Variants in CEP295NL observed in about 807,000 individuals in gnomAD.
CEP295NL encodes the protein CEP295 N-terminal like.
CEP295NL carries 3 observed loss-of-function variants against 4.6 expected under a neutral mutation model. The observed-to-expected ratio is 0.65, with a 90% confidence interval of 0.30 to 1.69. The LOEUF is 1.69. Ranked by LOEUF, CEP295NL falls within the 40% of genes most tolerant of loss-of-function variation. The pLI is 0.10. For missense variants in CEP295NL, 719 were observed against 769.0 expected, an observed-to-expected ratio of 0.93 and a Z score of 0.77; for synonymous variants, 295 against 312.2, an observed-to-expected ratio of 0.94 and a Z score of 0.58.
At position 78,893,140 on chromosome 17, in the gene CEP295NL, TGC is replaced by T. The variant is rs144590373; in HGVS notation, c.45-683_45-682del. Among the ~76,000 whole-genome samples the T allele has an allele frequency of 2.1e-3, 312 of 146,086 alleles. 5 individuals carry two copies. The East Asian group carries it at 0.054, about 25-fold the overall frequency. ...GCACATGTGTGTGCAGGGGTGTGTG[TGC>T]GTACATGTGTGTGCAGGGGTGTGTG... On this transcript the variant is annotated intron_variant, in intron 2 of 2. Coordinates refer to ENST00000322630, the MANE Select transcript of CEP295NL (RefSeq NM_001243540.2).
chr17:78,895,150 A>G (rs1234439333), intron 2 of CEP295NL, among the ~76,000 whole-genome samples: 1 of 152,068 alleles, frequency 6.6e-6, no homozygotes, highest in African/African-American at 2.4e-5. Flanking sequence ...GTGTGGTGGT[A>G]CGCACCTATA....
intron 2 of CEP295NL, among the ~76,000 whole-genome samples, chr17:78,893,302 G>A (rs538791164): frequency 7.5e-6 from 1 of 133,508 alleles, no homozygotes; most frequent in East Asian, 2.3e-4. Flanking sequence ...TGTGTGTGCA[G>A]GGGTGTATGT....
rs762308761 is a variant in CEP295NL at position 78,891,940 on chromosome 17, G to C, written c.564C>G (p.His188Gln). Reference protein sequence around the residue: ...RSCREELGQQHPRHSRPRKTA... With the variant: ...RSCREELGQQQPRHSRPRKTA... ...TCTTCCGGGGCCTGGAGTGCCTGGGGTGTTGCTGGCCCAACTCTTCCCTGC... is the reference window on the plus strand; with the variant it reads ...TCTTCCGGGGCCTGGAGTGCCTGGGCTGTTGCTGGCCCAACTCTTCCCTGC... The change falls in exon 3 of 3, where the codon CAC becomes CAG. Residue 188 changes from histidine (H) to glutamine (Q), a missense_variant. Transcript: ENST00000322630. The surrounding 1 kb of genome is among the most constrained non-coding windows in gnomAD (Gnocchi z 4.5). 1.9e-6 allele frequency: 3 copies of C among 1,550,584 alleles called. No individual in the cohort carries two copies. The South Asian group carries it at 3.6e-5, about 18-fold the overall frequency.
At position 78,893,546 on chromosome 17, in the gene CEP295NL, T is replaced by C. The variant is rs888676199; in HGVS notation, c.45-1087A>G. Among the ~76,000 whole-genome samples, 13 of 151,818 alleles carry C rather than the reference T, an allele frequency of 8.6e-5. 1 individual carries two copies. Among genetic ancestry groups the C allele is most frequent in the African/African-American group, 2.4e-4 (10 of 41,260 alleles). ...ACATCTGTTTATGTTTCTGTGCACA[T>C]GCCTGCACATCTGTGTGTACAGGGG... On this transcript the variant is annotated intron_variant, in intron 2 of 2. Transcript: ENST00000322630.
At chr17:78,897,154 G>A (rs77111072) in intron 2 of CEP295NL, 4,462 of 231,770 alleles carry the variant, frequency 0.019, 185 homozygotes, top group African/African-American at 0.091. Flanking sequence ...GGCCTGCTGT[G>A]CACTCCTGTG....
At chr17:78,892,571 G>A in intron 2 of CEP295NL, 112 bp from the exon 3 acceptor site, 1 of 1,440,526 alleles carries the variant, frequency 6.9e-7, no homozygotes, top group Admixed American at 2.7e-5. Context: ...TGCAAAATGT[G>A]CCCCTCCAAG....
intron 1 of CEP295NL, among the ~76,000 whole-genome samples, chr17:78,902,249 A>C (rs1474080158): frequency 6.6e-6 from 1 of 152,244 alleles, no homozygotes; most frequent in Non-Finnish European, 1.5e-5. Flanking sequence ...CTGGGACTAC[A>C]GGCGCACGCC....
In CEP295NL at chr17:78,900,483, T is replaced by G. The variant is rs183741868; in HGVS notation, c.44+1302A>C. ...TCACTTGAACCCAGGAGGCGGAGGT[T>G]GCAGTGAGCCAAGATCGCACCACTG... On this transcript the variant is annotated intron_variant, in intron 2 of 2. Transcript: ENST00000322630. Among the ~76,000 whole-genome samples, 74 of 151,176 alleles carry G rather than the reference T, an allele frequency of 4.9e-4. No individual in the cohort carries two copies. In the East Asian group the frequency reaches 0.014, roughly 29 times the overall value.
chr17:78,902,678 C>G (rs1356273017), intron 1 of CEP295NL: 1 of 152,298 alleles, frequency 6.6e-6, no homozygotes, highest in Non-Finnish European at 1.5e-5. Flanking sequence ...CTCCAAACTC[C>G]CAGCTGAGAC....
rs1007752584 is a variant in CEP295NL at position 78,897,082 on chromosome 17, G to A, written c.45-4623C>T. 2.9e-5 allele frequency: 24 copies of A among 816,544 alleles called. No homozygotes were observed. In the African/African-American group the frequency reaches 4.3e-4, roughly 15 times the overall value. 50.6% of individuals were successfully genotyped at this position (816,544 alleles called of 1,614,324 possible). The stretch of plus-strand genomic sequence containing the variant: ...ACCCAGGCAGCGTGGAAGTGCCAGG[G>A]CCCACAGACAGCACCCCCCCGCCCC... On this transcript the variant is annotated intron_variant, in intron 2 of 2. Coordinates refer to ENST00000322630, the MANE Select transcript of CEP295NL (RefSeq NM_001243540.2).
Position 78,890,907 on chromosome 17 carries a change from G to A in CEP295NL, c.1597C>T (p.His533Tyr), listed in dbSNP as rs2069880809. ...TCTTTTTCTAGCTCAGCTTTGTAGT[G>A]GATTTCCAAGCTCATATCTGGGTGT... is the stretch of plus-strand genomic sequence containing the variant. ...MEHPDMSLEI[H>Y]YKAELEKERR... Residue 533 changes from histidine to tyrosine, a missense_variant, in exon 3 of 3, where the codon CAC (histidine) becomes TAC (tyrosine). Coordinates refer to ENST00000322630, the MANE Select transcript of CEP295NL (RefSeq NM_001243540.2). 1.3e-6 allele frequency: 2 copies of A among 1,550,624 alleles called. No individual in the cohort carries two copies. The highest frequency in any genetic ancestry group is 1.7e-4 in the Middle Eastern group (1 of 6,014).
intron 2 of CEP295NL, among the ~76,000 whole-genome samples, chr17:78,893,110 C>T (rs1018617088): frequency 1.4e-5 from 2 of 138,514 alleles, no homozygotes; most frequent in Admixed American, 1.4e-4. Flanking sequence ...TGGGTGTGTG[C>T]ACATGCACAT....
chr17:78,891,182 G>A lies in CEP295NL; in HGVS notation c.1322C>T (p.Pro441Leu). The change falls in exon 3 of 3, where the codon CCC (proline) becomes CTC (leucine). Residue 441 changes from proline to leucine, a missense_variant. Pro to Leu is a moderately conservative substitution (Grantham distance 98). Coordinates refer to ENST00000322630, the MANE Select transcript of CEP295NL (RefSeq NM_001243540.2). The surrounding 1 kb of genome is among the most constrained non-coding windows in gnomAD (Gnocchi z 4.5). ...TGTTTGACTTCCATTTCTAAACGTGGGCTTGACCGTGCCCTGATATTTTTG... is the reference window on the plus strand; with the variant it reads ...TGTTTGACTTCCATTTCTAAACGTGAGCTTGACCGTGCCCTGATATTTTTG... ...QNQKYQGTVK[P>L]TFRNGSQTLS... 1 of 1,550,646 alleles carries A rather than the reference G, an allele frequency of 6.4e-7. No homozygotes were observed. Among genetic ancestry groups the A allele is most frequent in the Non-Finnish European group, 8.7e-7 (1 of 1,147,010 alleles).
chr17:78,893,895 G>A (rs2069958222), intron 2 of CEP295NL, among the ~76,000 whole-genome samples: 1 of 152,150 alleles, frequency 6.6e-6, no homozygotes, highest in East Asian at 1.9e-4. Context: ...CTGTTGCCAC[G>A]GGTAGCTGAT....
chr17:78,900,689 G>C (rs956195494), intron 2 of CEP295NL, among the ~76,000 whole-genome samples: 1 of 152,164 alleles, frequency 6.6e-6, no homozygotes, highest in Admixed American at 6.5e-5. Flanking sequence ...ATAACCCTTG[G>C]GGGAGGTGGA....
rs2070007588 is a variant in CEP295NL, at chr17:78,896,766, C to G, written c.45-4307G>C. 6.6e-6 allele frequency among the ~76,000 whole-genome samples: 1 copy of G among 152,138 alleles called. No homozygotes were observed. The highest frequency in any genetic ancestry group is 2.1e-4 in the South Asian group (1 of 4,830). Reference sequence around the variant, plus strand: ...ACACCAATCTGGCCTCCGGACGGCACCAGGGCCTCCCACAGAGCGGAGTGG... The same window carrying G: ...ACACCAATCTGGCCTCCGGACGGCAGCAGGGCCTCCCACAGAGCGGAGTGG... On this transcript the variant is annotated intron_variant, in intron 2 of 2. Transcript: ENST00000322630. This position sits in a 1 kb window ranked among gnomAD's most constrained non-coding sequence, Gnocchi z 4.4.
chr17:78,893,116 C>CACATGTGTGTGCAGGGGTGTGTGTGCGT, intron 2 of CEP295NL, among the ~76,000 whole-genome samples: 1 of 143,138 alleles, frequency 7.0e-6, no homozygotes, highest in Non-Finnish European at 1.5e-5. Flanking sequence ...TGTGCACATG[C>CACATGTGTGTGCAGGGGTGTGTGTGCGT]ACATGTGTGT....
intron 2 of CEP295NL, 140 bp downstream of exon 2, chr17:78,901,645 C>T (rs2070094991): frequency 1.4e-6 from 1 of 701,198 alleles, no homozygotes; most frequent in Non-Finnish European, 2.6e-6. Context: ...GTGACCTAGG[C>T]CAAGCGACTT....
intron 2 of CEP295NL, chr17:78,897,081 G>A: frequency 1.4e-5 from 12 of 836,328 alleles, no homozygotes; most frequent in Non-Finnish European, 1.6e-5. Context: ...GAAGTGCCAG[G>A]GCCCACAGAC....
Sources: gnomAD v4.1 joint callset for allele counts (sites outside exome capture counted in the v4.1 genomes callset) on GRCh38, gnomAD v4.1.1 for gene constraint, Gnocchi (gnomAD v3.1) non-coding constraint, MANE v1.5 for transcripts, NCBI Gene and HGNC (gene_info 2026-07-23, HGNC 2026-07-21) for gene names.